The following SCARA3 variants were observed in gnomAD, a reference collection of about 807,000 sequenced individuals.
SCARA3 encodes the protein cellular stress response gene protein.
In SCARA3, 39 loss-of-function variants were observed where a neutral mutation model predicts 47.0. The ratio of observed to expected loss-of-function variants is 0.83; its 90% confidence interval spans 0.64 to 1.08. The LOEUF is 1.08. Among genes scored for constraint, SCARA3 ranks in the 50% least tolerant of loss-of-function variants. The pLI is 0.00. For synonymous variants in SCARA3, 356 were observed against 334.1 expected, an observed-to-expected ratio of 1.07 and a Z score of -0.71; for missense variants, 724 against 792.3, an observed-to-expected ratio of 0.91 and a Z score of 1.04.
chr8:27,695,395 C>G, the SCARA3 span, among the ~76,000 whole-genome samples: 1 of 152,086 alleles, frequency 6.6e-6, no homozygotes, highest in South Asian at 2.1e-4. Context: ...TATGCTGGAC[C>G]AAAAATTAAT....
upstream of SCARA3, among the ~76,000 whole-genome samples, chr8:27,633,506 A>G (rs899735210): frequency 7.9e-5 from 12 of 152,082 alleles, 1 homozygote; most frequent in Non-Finnish European, 2.9e-5. Context: ...GGCGAGAAAA[A>G]CGTGCAGGGC....
At chr8:27,721,910 C>A in the SCARA3 span, among the ~76,000 whole-genome samples, 2 of 151,974 alleles carry the variant, frequency 1.3e-5, no homozygotes, top group African/African-American at 4.8e-5. Flanking sequence ...AGCGAGATGC[C>A]GTCGCTACAA....
At position 27,658,821 on chromosome 8, in the gene SCARA3, G is replaced by A. The variant is rs781712412; in HGVS notation, c.651G>A (p.Lys217=). The change falls in exon 5 of 6, where the codon AAG becomes AAA. Residue 217 remains lysine, a synonymous_variant. Transcript: ENST00000301904. ...TCACCCAGGAGTGCTACGATGTCAA[G>A]GCTGCAGTGCACCAGATCAACTTCA... ...KDLTQECYDV[K]AAVHQINFTV... 2.8e-5 allele frequency: 46 copies of A among 1,614,058 alleles called. No individual in the cohort carries two copies. Among genetic ancestry groups the A allele is most frequent in the Non-Finnish European group, 3.9e-5 (46 of 1,180,024 alleles).
At chr8:27,676,955 C>T (rs1328781008), downstream of SCARA3, among the ~76,000 whole-genome samples, 2 of 152,114 alleles carry the variant, frequency 1.3e-5, no homozygotes, top group Non-Finnish European at 2.9e-5. Context: ...GGTTTCTTCT[C>T]CTTCTGAACT....
rs1352657941 is a variant in SCARA3 at position 27,658,726 on chromosome 8, G to A, written c.556G>A (p.Gly186Arg). The A allele has an allele frequency of 1.2e-6, 2 of 1,614,000 alleles. No individual in the cohort carries two copies. Among genetic ancestry groups the A allele is most frequent in the South Asian group, 1.1e-5 (1 of 91,070 alleles). The change falls in exon 5 of 6, where the codon GGG (glycine) becomes AGG (arginine). Residue 186 changes from glycine to arginine, a missense_variant. Coordinates refer to ENST00000301904, the MANE Select transcript of SCARA3 (RefSeq NM_016240.3). ...CATCCACCAGGTTAACCAGTCTCTGGGGCTCTTCCTGGCCCAGGTGAGAGG... is the reference window on the plus strand; with the variant it reads ...CATCCACCAGGTTAACCAGTCTCTGAGGCTCTTCCTGGCCCAGGTGAGAGG... ...FSIHQVNQSL[G>R]LFLAQVRGWQ...
In SCARA3 at chr8:27,645,424, C is replaced by T. The variant is rs548836932; in HGVS notation, c.8-4278C>T. On this transcript the variant is annotated intron_variant, in intron 1 of 5. Transcript: ENST00000301904. ...CAGGGATGTAGCAAACTGCTAGGAG[C>T]GTGACCTGTCAACAGATATCAGGCT... Among the ~76,000 whole-genome samples, 14 of 152,372 alleles carry T rather than the reference C, an allele frequency of 9.2e-5. No homozygotes were observed. In the East Asian group the frequency reaches 2.1e-3, roughly 23 times the overall value.
chr8:27,707,098 G>A, the SCARA3 span, among the ~76,000 whole-genome samples: 3 of 152,182 alleles, frequency 2.0e-5, no homozygotes, highest in Admixed American at 2.0e-4. Flanking sequence ...TGAAAAGGAG[G>A]TATCAATTGA....
In SCARA3 at chr8:27,658,959, C is replaced by T. The variant is rs370326841; in HGVS notation, c.789C>T (p.Ser263=). 4.2e-5 allele frequency: 68 copies of T among 1,614,172 alleles called. No homozygotes were observed. The highest frequency in any genetic ancestry group is 1.1e-4 in the South Asian group (10 of 91,082). ...GGCAGAACTACACACGGCTCTTCAG[C>T]GGCCTGCGCACCACCTCCACCAAGA... is the stretch of plus-strand genomic sequence containing the variant. The part of the protein sequence containing the change: ...TDWQNYTRLF[S]GLRTTSTKTG... Residue 263 remains serine, a synonymous_variant, in exon 5 of 6, where the codon AGC becomes AGT. Transcript: ENST00000301904.
the SCARA3 span, among the ~76,000 whole-genome samples, chr8:27,704,602 G>T: frequency 6.6e-6 from 1 of 152,116 alleles, no homozygotes; most frequent in Non-Finnish European, 1.5e-5. Flanking sequence ...CTTCAGGTCC[G>T]TGTGAAAGAC....
At chr8:27,678,819 A>G (rs1335353719), downstream of SCARA3, among the ~76,000 whole-genome samples, 1 of 152,194 alleles carries the variant, frequency 6.6e-6, no homozygotes, top group Non-Finnish European at 1.5e-5. Flanking sequence ...AGCCAATCAA[A>G]TGCAGCAATA....
the SCARA3 span, among the ~76,000 whole-genome samples, chr8:27,704,764 A>ACACACACG: frequency 6.6e-6 from 1 of 152,078 alleles, no homozygotes; most frequent in Non-Finnish European, 1.5e-5. Context: ...ACACACACAC[A>ACACACACG]CACACGCACA....
At chr8:27,694,360 A>G in the SCARA3 span, among the ~76,000 whole-genome samples, 1 of 152,192 alleles carries the variant, frequency 6.6e-6, no homozygotes, top group Non-Finnish European at 1.5e-5. Flanking sequence ...TCTACGGAAA[A>G]TATGCCACAT....
At chr8:27,702,154 C>G in the SCARA3 span, 1 of 152,194 alleles carries the variant, frequency 6.6e-6, no homozygotes, top group Non-Finnish European at 1.5e-5. Flanking sequence ...CGCTTGGGTC[C>G]TGCCTAGGGC....
intron 5 of SCARA3, among the ~76,000 whole-genome samples, chr8:27,661,275 T>C (rs1220132074): frequency 6.6e-6 from 1 of 152,066 alleles, no homozygotes; most frequent in Non-Finnish European, 1.5e-5. Flanking sequence ...ATACTTAATC[T>C]CCAAATAAAG....
intron 5 of SCARA3, among the ~76,000 whole-genome samples, chr8:27,667,871 A>G (rs1802051769): frequency 6.6e-6 from 1 of 152,068 alleles, no homozygotes. Context: ...GGAGACCCAC[A>G]AGATGTAGAC....
the SCARA3 span, among the ~76,000 whole-genome samples, chr8:27,692,210 G>A: frequency 6.6e-5 from 10 of 152,040 alleles, no homozygotes; most frequent in Non-Finnish European, 1.2e-4. Context: ...ACCTGAGGTC[G>A]GGAGTTCGAG....
At chr8:27,733,460 G>A in the SCARA3 span, 72 of 152,326 alleles carry the variant, frequency 4.7e-4, no homozygotes, top group East Asian at 0.011. Context: ...ACACGTGCCC[G>A]GCAGGAAGGA....
the SCARA3 span, among the ~76,000 whole-genome samples, chr8:27,726,800 T>C: frequency 6.6e-6 from 1 of 152,168 alleles, no homozygotes; most frequent in Admixed American, 6.5e-5. Flanking sequence ...TTTATTTATT[T>C]TTTGAGATGC....
the SCARA3 span, among the ~76,000 whole-genome samples, chr8:27,717,160 C>A: frequency 0.012 from 1,895 of 152,244 alleles, 17 homozygotes; most frequent in Non-Finnish European, 0.02. Flanking sequence ...GGGTACTTTG[C>A]TATAATCTCA....
Sources: allele counts gnomAD v4.1 joint callset (sites outside exome capture counted in the v4.1 genomes callset), GRCh38; gene constraint gnomAD v4.1.1; transcripts MANE v1.5; gene names NCBI Gene and HGNC (gene_info 2026-07-23, HGNC 2026-07-21).